The following LYST variants were observed in gnomAD, a reference collection of about 807,000 sequenced individuals.
LYST encodes lysosomal-trafficking regulator.
LYST carries 192 observed loss-of-function variants against 413.6 expected under a neutral mutation model. The observed-to-expected ratio is 0.46, with a 90% CI of 0.41 to 0.52. LYST has a LOEUF of 0.52. LYST is among the 20% of genes least tolerant of loss of function. The pLI, the probability that LYST is intolerant of heterozygous loss-of-function variation, is 0.00. For missense variants in LYST, 3,815 were observed against 4,499.9 expected (o/e 0.85, Z 4.35); for synonymous variants, 1,525 against 1,567.3 (o/e 0.97, Z 0.64).
upstream of LYST, among the ~76,000 whole-genome samples, chr1:235,868,900 G>C (rs1332924247): frequency 2.0e-5 from 3 of 151,768 alleles, no homozygotes; most frequent in Non-Finnish European, 2.9e-5. Flanking sequence ...TCATCATGTT[G>C]GTCAGGCTGG....
intron 14 of LYST, among the ~76,000 whole-genome samples, chr1:235,783,144 G>A: frequency 6.6e-6 from 1 of 152,174 alleles, no homozygotes; most frequent in East Asian, 1.9e-4. Flanking sequence ...AATAAAATTT[G>A]TAAGATGAAG....
At chr1:235,822,587 T>C (rs940323590) in intron 3 of LYST, among the ~76,000 whole-genome samples, 2 of 152,152 alleles carry the variant, frequency 1.3e-5, no homozygotes, top group African/African-American at 4.8e-5. Flanking sequence ...GAGGTCATGA[T>C]GGAATAATAT....
At chr1:235,828,864 T>C (rs1300777477) in intron 3 of LYST, 5 of 812,190 alleles carry the variant, frequency 6.2e-6, no homozygotes, top group Admixed American at 6.2e-5. Context: ...ATAAAAATTA[T>C]ATTTAATCAC....
intron 1 of LYST, among the ~76,000 whole-genome samples, chr1:235,877,877 C>G (rs958340947): frequency 1.1e-5 from 1 of 92,380 alleles, no homozygotes; most frequent in Non-Finnish European, 2.2e-5. Flanking sequence ...AAAAAAAAAT[C>G]TAAAACACAC....
At chr1:235,715,405 C>T (rs768454456) in intron 41 of LYST, 48 bp from the exon 42 acceptor site, 4 of 1,582,820 alleles carry the variant, frequency 2.5e-6, no homozygotes, top group Admixed American at 3.4e-5. Context: ...GGGCTCCAGG[C>T]AACGCTAGAA....
intron 50 of LYST, among the ~76,000 whole-genome samples, chr1:235,671,795 G>A (rs1043966993): frequency 5.9e-5 from 9 of 152,144 alleles, no homozygotes; most frequent in African/African-American, 2.2e-4. Context: ...TATGTAAATG[G>A]GAAGCAATTA....
At chr1:235,701,286 G>T (rs1259057175) in intron 45 of LYST, among the ~76,000 whole-genome samples, 1 of 152,126 alleles carries the variant, frequency 6.6e-6, no homozygotes, top group Non-Finnish European at 1.5e-5. Context: ...AAATTAAATG[G>T]CATTTATTAA....
intron 46 of LYST, among the ~76,000 whole-genome samples, chr1:235,693,941 T>C (rs922726024): frequency 4.6e-5 from 7 of 152,090 alleles, no homozygotes; most frequent in African/African-American, 1.7e-4. Context: ...CATTTAATCC[T>C]GTCAACTGCA....
intron 1 of LYST, among the ~76,000 whole-genome samples, chr1:235,864,259 C>A (rs1234470788): frequency 6.6e-6 from 1 of 152,116 alleles, no homozygotes. Flanking sequence ...GCCTTACTTA[C>A]CATTCTTAAA....
rs530917656 is a variant in LYST, at chr1:235,858,155, A to C, written c.-98+8688T>G. Among the ~76,000 whole-genome samples, 3 of 152,304 alleles carry C rather than the reference A, an allele frequency of 2.0e-5. No individual in the cohort carries two copies. The South Asian group carries it at 6.2e-4, about 32-fold the overall frequency. On this transcript the variant is annotated intron_variant, in intron 1 of 52. Coordinates refer to ENST00000389793, the MANE Select transcript of LYST (RefSeq NM_000081.4). ...TCTTCTTCAATGACCCCTACTTTGC[A>C]GAAGGCTAGCATGGTTTAGTAGTCA...
intron 38 of LYST, among the ~76,000 whole-genome samples, chr1:235,727,463 A>T (rs1432955482): frequency 6.6e-6 from 1 of 151,918 alleles, no homozygotes; most frequent in African/African-American, 2.4e-5. Flanking sequence ...TAATTAAACC[A>T]CACATAATCT....
intron 1 of LYST, among the ~76,000 whole-genome samples, chr1:235,845,443 T>C (rs998627063): frequency 3.9e-5 from 6 of 152,186 alleles, no homozygotes; most frequent in Non-Finnish European, 8.8e-5. Context: ...AGGAATTCTC[T>C]AGCCTAACTT....
chr1:235,685,204 C>G (rs1352656393), intron 48 of LYST, among the ~76,000 whole-genome samples: 2 of 152,164 alleles, frequency 1.3e-5, no homozygotes, highest in African/African-American at 4.8e-5. Context: ...TCCCTGATGT[C>G]TGGATGTCCT....
chr1:235,699,881 A>G (rs960578593), intron 45 of LYST, among the ~76,000 whole-genome samples: 1 of 152,198 alleles, frequency 6.6e-6, no homozygotes, highest in African/African-American at 2.4e-5. Context: ...TACTGGTACC[A>G]ACACAGACAT....
chr1:235,681,105 C>T lies in LYST; in HGVS notation c.10801-3486G>A, dbSNP rs182718676. On this transcript the variant is annotated intron_variant, in intron 48 of 52. Transcript: ENST00000389793. ...TGATTTTCACAAAGAACTCCGGGGACCCACAGATAAGTCGCTTCCTCAGAC... is the reference window on the plus strand; with the variant it reads ...TGATTTTCACAAAGAACTCCGGGGATCCACAGATAAGTCGCTTCCTCAGAC... 2.6e-5 allele frequency among the ~76,000 whole-genome samples: 4 copies of T among 152,222 alleles called. No homozygotes were observed. The East Asian group carries it at 7.7e-4, about 29-fold the overall frequency.
chr1:235,816,667 T>C (rs1674139574), intron 3 of LYST, among the ~76,000 whole-genome samples: 1 of 152,090 alleles, frequency 6.6e-6, no homozygotes, highest in Non-Finnish European at 1.5e-5. Flanking sequence ...CAAACTACTC[T>C]ATGAGGCTAC....
At chr1:235,786,738 T>C (rs1484477957) in intron 14 of LYST, among the ~76,000 whole-genome samples, 1 of 152,102 alleles carries the variant, frequency 6.6e-6, no homozygotes, top group Non-Finnish European at 1.5e-5. Context: ...GATGAGTTCA[T>C]GTCCTTTGTA....
intron 36 of LYST, among the ~76,000 whole-genome samples, chr1:235,730,047 A>G (rs12239942): frequency 0.041 from 6,232 of 151,736 alleles, 424 homozygotes; most frequent in African/African-American, 0.14. Context: ...TATTTGTTAT[A>G]TACTATTATT....
chr1:235,857,082 A>C (rs1168320864), intron 1 of LYST, among the ~76,000 whole-genome samples: 1 of 151,400 alleles, frequency 6.6e-6, no homozygotes, highest in Admixed American at 6.6e-5. Flanking sequence ...AGTAGCTGGG[A>C]TTACAGGTGT....
Sources: allele counts gnomAD v4.1 joint callset (sites outside exome capture counted in the v4.1 genomes callset), GRCh38; gene constraint gnomAD v4.1.1; transcripts MANE v1.5; gene names NCBI Gene and HGNC (gene_info 2026-07-23, HGNC 2026-07-21).